The following TSHZ2 variants were observed in gnomAD, a reference collection of about 807,000 sequenced individuals.
TSHZ2 encodes teashirt zinc finger homeobox 2.
Under a neutral mutation model 74.4 loss-of-function variants are expected in TSHZ2, and 21 were observed. The observed-to-expected ratio is 0.28, with a 90% CI of 0.20 to 0.41. The LOEUF (loss-of-function observed/expected upper bound fraction) is 0.41, where lower values mean the gene tolerates loss of function less well. Among genes scored for constraint, TSHZ2 ranks in the 10% least tolerant of loss-of-function variants. The probability of loss-of-function intolerance (pLI) is 1.00; values close to 1 mark genes in which losing one functional copy is unlikely to be tolerated. For synonymous variants in TSHZ2, 540 were observed against 515.3 expected, an observed-to-expected ratio of 1.05 and a Z score of -0.65; for missense variants, 1,244 against 1,293.5, an observed-to-expected ratio of 0.96 and a Z score of 0.59.
chr20:53,420,753 ACT>A (rs1484547782), intron 2 of TSHZ2, among the ~76,000 whole-genome samples: 12 of 151,962 alleles, frequency 7.9e-5, no homozygotes, highest in Non-Finnish European at 8.8e-5. Flanking sequence ...ACAGAGCAAG[ACT>A]CTGTCTCAAA....
In TSHZ2 at chr20:53,464,467, AT is replaced by A. The variant is rs200853669; in HGVS notation, c.*9-22667del. Among the ~76,000 whole-genome samples the A allele has an allele frequency of 4.0e-5, 6 of 150,072 alleles. No homozygotes were observed. The South Asian group carries it at 6.4e-4, about 16-fold the overall frequency. ...GGCTGTGAGGAGGGAAGGAGCTTGG[AT>A]TTTTTTTTTCTAAGAGACAAATTCT... On this transcript the variant is annotated intron_variant, in intron 2 of 2. Coordinates refer to ENST00000371497, the MANE Select transcript of TSHZ2 (RefSeq NM_173485.6).
intron 2 of TSHZ2, among the ~76,000 whole-genome samples, chr20:53,310,173 C>A (rs1238408864): frequency 6.6e-6 from 1 of 152,130 alleles, no homozygotes. Context: ...TCAGCTAGTC[C>A]AACGTTTCAT....
chr20:53,170,897 T>C (rs1335991455), intron 1 of TSHZ2, among the ~76,000 whole-genome samples: 2 of 150,886 alleles, frequency 1.3e-5, no homozygotes, highest in East Asian at 3.9e-4. Context: ...ACACCTTTGA[T>C]GGTGCTCCTC....
chr20:53,060,306 T>A (rs572000780), intron 1 of TSHZ2, among the ~76,000 whole-genome samples: 1 of 152,286 alleles, frequency 6.6e-6, no homozygotes, highest in East Asian at 1.9e-4. Flanking sequence ...CTCCAACAAA[T>A]GGCAAAGGTC....
chr20:53,023,465 T>C (rs972384511), intron 1 of TSHZ2, among the ~76,000 whole-genome samples: 1 of 152,166 alleles, frequency 6.6e-6, no homozygotes, highest in Non-Finnish European at 1.5e-5. Flanking sequence ...AACCAAATGG[T>C]TTTGGCAATT....
At chr20:53,156,951 G>T (rs1987810117) in intron 1 of TSHZ2, among the ~76,000 whole-genome samples, 1 of 152,192 alleles carries the variant, frequency 6.6e-6, no homozygotes, top group Non-Finnish European at 1.5e-5. Flanking sequence ...GAGAAGTTAA[G>T]CAAGAAGGTG....
chr20:53,406,026 A>AG (rs1464823419), intron 2 of TSHZ2, among the ~76,000 whole-genome samples: 1 of 152,144 alleles, frequency 6.6e-6, no homozygotes, highest in East Asian at 1.9e-4. Flanking sequence ...TTTAAAAAAA[A>AG]GAAAATAAAT....
chr20:53,031,994 AG>A (rs781768382), intron 1 of TSHZ2, among the ~76,000 whole-genome samples: 2 of 152,190 alleles, frequency 1.3e-5, no homozygotes, highest in Admixed American at 6.5e-5. Context: ...AGAAATTCAA[AG>A]CTTGAGTCTT....
intron 1 of TSHZ2, among the ~76,000 whole-genome samples, chr20:53,245,155 A>G (rs905187437): frequency 5.3e-5 from 8 of 152,190 alleles, no homozygotes; most frequent in Non-Finnish European, 5.9e-5. Flanking sequence ...ATCACATGCT[A>G]TACTCTAAAG....
intron 1 of TSHZ2, among the ~76,000 whole-genome samples, chr20:53,143,468 C>T (rs184444697): frequency 6.6e-6 from 1 of 152,000 alleles, no homozygotes; most frequent in Admixed American, 6.6e-5. Flanking sequence ...CCGAGGTGGG[C>T]GGATCACAAG....
chr20:53,320,080 A>T (rs1979190625), intron 2 of TSHZ2, among the ~76,000 whole-genome samples: 1 of 152,156 alleles, frequency 6.6e-6, no homozygotes, highest in African/African-American at 2.4e-5. Context: ...TACCATCATC[A>T]TCACTGCCAA....
At chr20:53,413,934 G>C (rs533856146) in intron 2 of TSHZ2, among the ~76,000 whole-genome samples, 2 of 152,122 alleles carry the variant, frequency 1.3e-5, no homozygotes, top group Non-Finnish European at 2.9e-5. Flanking sequence ...TTGAGTCCAA[G>C]AGTTGGAGAC....
intron 1 of TSHZ2, among the ~76,000 whole-genome samples, chr20:52,996,857 A>G (rs1357191656): frequency 2.0e-5 from 3 of 152,172 alleles, no homozygotes; most frequent in African/African-American, 7.2e-5. Flanking sequence ...ATTTAGTCCA[A>G]TGCATATGTA....
At chr20:53,078,446 A>AAT (rs1985431772) in intron 1 of TSHZ2, among the ~76,000 whole-genome samples, 1 of 152,218 alleles carries the variant, frequency 6.6e-6, no homozygotes, top group Non-Finnish European at 1.5e-5. Context: ...AAAGACATGA[A>AAT]ATGGTACAAG....
chr20:53,192,204 C>A lies in TSHZ2; in HGVS notation c.41-61295C>A, dbSNP rs2083861701. On this transcript the variant is annotated intron_variant, in intron 1 of 2. Coordinates refer to ENST00000371497, the MANE Select transcript of TSHZ2 (RefSeq NM_173485.6). Reference sequence around the variant, plus strand: ...CACAAGAGGTTGATTTTTCATTGTACCTGTTAAATAGACATCAGCGAGATG... The same window carrying A: ...CACAAGAGGTTGATTTTTCATTGTAACTGTTAAATAGACATCAGCGAGATG... Among the ~76,000 whole-genome samples, 3 of 151,598 alleles carry A rather than the reference C, an allele frequency of 2.0e-5. No homozygotes were observed. The South Asian group carries it at 6.3e-4, about 32-fold the overall frequency.
intron 1 of TSHZ2, among the ~76,000 whole-genome samples, chr20:53,108,198 A>G (rs1986434126): frequency 6.6e-6 from 1 of 152,218 alleles, no homozygotes; most frequent in South Asian, 2.1e-4. Flanking sequence ...CAACTTTAGG[A>G]TAAAGCAGCA....
At chr20:53,347,778 A>G (rs962035913) in intron 2 of TSHZ2, among the ~76,000 whole-genome samples, 1 of 152,190 alleles carries the variant, frequency 6.6e-6, no homozygotes, top group Admixed American at 6.5e-5. Context: ...TCCGTTAGCT[A>G]TTCCTCCTGA....
chr20:53,223,364 A>G (rs1433039179), intron 1 of TSHZ2, among the ~76,000 whole-genome samples: 2 of 152,158 alleles, frequency 1.3e-5, no homozygotes, highest in African/African-American at 4.8e-5. Context: ...CAGACTCAAA[A>G]GGTTACTTGC....
At chr20:53,080,834 A>T (rs1422599988) in intron 1 of TSHZ2, among the ~76,000 whole-genome samples, 1 of 152,024 alleles carries the variant, frequency 6.6e-6, no homozygotes, top group Non-Finnish European at 1.5e-5. Context: ...GATCCAGAAT[A>T]ACAAAGAGAT....
Sources: allele counts gnomAD v4.1 joint callset (sites outside exome capture counted in the v4.1 genomes callset), GRCh38; gene constraint gnomAD v4.1.1; transcripts MANE v1.5; gene names NCBI Gene and HGNC (gene_info 2026-07-23, HGNC 2026-07-21).